Variants in CNTNAP5 observed in about 807,000 individuals in gnomAD.
The protein encoded by CNTNAP5 is contactin associated protein family member 5.
A neutral mutation model predicts 150.2 loss-of-function variants in CNTNAP5; 72 were observed. That is an observed-to-expected ratio of 0.48 (90% CI 0.40 to 0.58). The LOEUF (loss-of-function observed/expected upper bound fraction) is 0.58, where lower values mean the gene tolerates loss of function less well. Among genes scored for constraint, CNTNAP5 ranks in the 20% least tolerant of loss-of-function variants. The pLI, the probability that CNTNAP5 is intolerant of heterozygous loss-of-function variation, is 0.00. For missense variants in CNTNAP5, 1,636 were observed against 1,626.2 expected (o/e 1.01, Z -0.10); for synonymous variants, 672 against 619.8 (o/e 1.08, Z -1.25).
intron 12 of CNTNAP5, among the ~76,000 whole-genome samples, chr2:124,644,263 CTG>C (rs1242657068): frequency 1.3e-5 from 2 of 152,244 alleles, no homozygotes; most frequent in African/African-American, 2.4e-5. Flanking sequence ...TCAGGAGTAT[CTG>C]TCACCACAGC....
chr2:124,793,445 T>C (rs770425403), intron 18 of CNTNAP5, among the ~76,000 whole-genome samples: 4 of 152,228 alleles, frequency 2.6e-5, no homozygotes, highest in Non-Finnish European at 4.4e-5. Flanking sequence ...TTATGAGATA[T>C]ATGATTTGCA....
intron 3 of CNTNAP5, among the ~76,000 whole-genome samples, chr2:124,319,941 T>C (rs1689058397): frequency 6.6e-6 from 1 of 152,190 alleles, no homozygotes; most frequent in Admixed American, 6.5e-5. Context: ...TTGTTATTCT[T>C]TGTTTATAAA....
intron 19 of CNTNAP5, among the ~76,000 whole-genome samples, chr2:124,856,144 T>G (rs1677369464): frequency 6.6e-6 from 1 of 151,746 alleles, no homozygotes; most frequent in Admixed American, 6.6e-5. Context: ...TGTGTGGGGG[T>G]GTGTGTATAT....
Position 124,919,452 on chromosome 2 carries a change from T to A in CNTNAP5, c.*5164T>A, listed in dbSNP as rs1678831140. 6.6e-6 allele frequency among the ~76,000 whole-genome samples: 1 copy of A among 152,126 alleles called. No individual in the cohort carries two copies. Among genetic ancestry groups the A allele is most frequent in the Non-Finnish European group, 1.5e-5 (1 of 67,994 alleles). Reference sequence around the variant, plus strand: ...TGGCTGAGCAGACATGAACAAAGGTTAATGCAAAAGTTGGTTTTGGTTTCA... The same window carrying A: ...TGGCTGAGCAGACATGAACAAAGGTAAATGCAAAAGTTGGTTTTGGTTTCA... On this transcript the variant is annotated 3_prime_UTR_variant, in exon 24 of 24. Transcript: ENST00000682447.
At chr2:124,809,790 G>T (rs1052785137) in intron 19 of CNTNAP5, among the ~76,000 whole-genome samples, 1 of 152,170 alleles carries the variant, frequency 6.6e-6, no homozygotes, top group Admixed American at 6.5e-5. Flanking sequence ...TTTACAGAAA[G>T]AGAGAATAAA....
rs376174381 is a variant in CNTNAP5 at position 124,434,592 on chromosome 2, A to G, written c.638A>G (p.Gln213Arg). Residue 213 changes from glutamine to arginine, a missense_variant, in exon 5 of 24, where the codon CAA becomes CGA. By Grantham distance (43) the Gln-to-Arg change is conservative. Coordinates refer to ENST00000682447, the MANE Select transcript of CNTNAP5 (RefSeq NM_001367498.1). ...DVISLKFKSM[Q>R]GDGVLFHGEG... is the part of the protein sequence containing the mutation. ...ATCTCCCTGAAGTTCAAGAGCATGC[A>G]AGGAGATGGGGTCCTGTTCCATGGA... The G allele has an allele frequency of 9.9e-6, 16 of 1,613,872 alleles. No homozygotes were observed. In the African/African-American group the frequency reaches 1.9e-4, roughly 19 times the overall value.
intron 14 of CNTNAP5, among the ~76,000 whole-genome samples, chr2:124,755,110 C>G (rs1381686021): frequency 6.6e-6 from 1 of 151,756 alleles, no homozygotes; most frequent in Non-Finnish European, 1.5e-5. Flanking sequence ...ATGCCACCAT[C>G]CTATCCAACT....
intron 19 of CNTNAP5, among the ~76,000 whole-genome samples, chr2:124,811,669 C>T (rs1212090552): frequency 3.7e-5 from 5 of 134,568 alleles, no homozygotes; most frequent in Admixed American, 8.2e-5. Context: ...AGGTCAGGCG[C>T]GGTGGCTCAT....
intron 1 of CNTNAP5, among the ~76,000 whole-genome samples, chr2:124,109,384 T>G (rs1683246096): frequency 6.6e-6 from 1 of 152,102 alleles, no homozygotes; most frequent in African/African-American, 2.4e-5. Flanking sequence ...GAGTTGGGGA[T>G]GGTTACACAT....
At chr2:124,436,264 T>C (rs1692528775) in intron 5 of CNTNAP5, among the ~76,000 whole-genome samples, 1 of 152,210 alleles carries the variant, frequency 6.6e-6, no homozygotes, top group Admixed American at 6.5e-5. Context: ...GCATTTCACA[T>C]CCAAAACTCT....
At chr2:124,285,150 T>A (rs1318873958) in intron 3 of CNTNAP5, among the ~76,000 whole-genome samples, 1 of 152,156 alleles carries the variant, frequency 6.6e-6, no homozygotes, top group East Asian at 1.9e-4. Context: ...TAGCTTTAGT[T>A]TGTAAGATCC....
At chr2:124,908,580 G>A (rs1678589102) in intron 22 of CNTNAP5, among the ~76,000 whole-genome samples, 1 of 152,080 alleles carries the variant, frequency 6.6e-6, no homozygotes, top group Non-Finnish European at 1.5e-5. Context: ...TAAGGTCCTA[G>A]TACAACGCCT....
At chr2:124,634,913 T>C (rs1489931773) in intron 12 of CNTNAP5, among the ~76,000 whole-genome samples, 3 of 152,190 alleles carry the variant, frequency 2.0e-5, no homozygotes, top group Non-Finnish European at 4.4e-5. Context: ...AGTTCCAAAC[T>C]TTCCTGCACC....
chr2:124,104,500 T>C (rs1290376528), intron 1 of CNTNAP5, among the ~76,000 whole-genome samples: 1 of 152,190 alleles, frequency 6.6e-6, no homozygotes, highest in Non-Finnish European at 1.5e-5. Flanking sequence ...TCTGCCTCAT[T>C]TTCCCCATTT....
At chr2:124,453,342 A>C (rs972786401) in intron 6 of CNTNAP5, among the ~76,000 whole-genome samples, 3 of 152,038 alleles carry the variant, frequency 2.0e-5, no homozygotes, top group Non-Finnish European at 2.9e-5. Context: ...AAGAAAATAG[A>C]ATAAGAAAAT....
At chr2:124,732,149 C>A (rs1409591848) in intron 13 of CNTNAP5, among the ~76,000 whole-genome samples, 1 of 151,910 alleles carries the variant, frequency 6.6e-6, no homozygotes, top group African/African-American at 2.4e-5. Context: ...AAATCTGATT[C>A]TTTTTTGTTT....
chr2:124,034,135 G>A (rs943581842), intron 1 of CNTNAP5, among the ~76,000 whole-genome samples: 1 of 152,110 alleles, frequency 6.6e-6, no homozygotes, highest in African/African-American at 2.4e-5. Flanking sequence ...AGTGAGAAGG[G>A]CATATGTCAC....
At chr2:124,829,148 T>C (rs1193530058) in intron 19 of CNTNAP5, among the ~76,000 whole-genome samples, 1 of 152,164 alleles carries the variant, frequency 6.6e-6, no homozygotes, top group South Asian at 2.1e-4. Flanking sequence ...ATGTGCCCTA[T>C]CCTGTTTTGT....
intron 11 of CNTNAP5, among the ~76,000 whole-genome samples, chr2:124,591,376 G>C (rs1290736392): frequency 6.6e-6 from 1 of 152,046 alleles, no homozygotes; most frequent in Non-Finnish European, 1.5e-5. Context: ...GCTTTACTAG[G>C]TATTGCAGAG....
Sources: allele counts gnomAD v4.1 joint callset (sites outside exome capture counted in the v4.1 genomes callset), GRCh38; gene constraint gnomAD v4.1.1; transcripts MANE v1.5; gene names NCBI Gene and HGNC (gene_info 2026-07-23, HGNC 2026-07-21).